HERC3: variants seen among roughly 807,000 people sequenced by gnomAD.
HERC3 encodes probable E3 ubiquitin-protein ligase HERC3.
Under a neutral mutation model 129.9 loss-of-function variants are expected in HERC3, and 58 were observed. The ratio of observed to expected loss-of-function variants is 0.45; its 90% confidence interval spans 0.36 to 0.56. The LOEUF (loss-of-function observed/expected upper bound fraction) is 0.56, where lower values mean the gene tolerates loss of function less well. HERC3 is among the 20% of genes least tolerant of loss of function. HERC3 has a pLI of 0.00. For synonymous variants in HERC3, 430 were observed against 451.0 expected, an observed-to-expected ratio of 0.95 and a Z score of 0.59; for missense variants, 835 against 1,244.2, an observed-to-expected ratio of 0.67 and a Z score of 4.95.
chr4:88,535,680 C>T, the HERC3 span, among the ~76,000 whole-genome samples: 1 of 152,150 alleles, frequency 6.6e-6, no homozygotes, highest in Non-Finnish European at 1.5e-5. Context: ...TGTGTCAGCT[C>T]AGGTCTCTCT....
chr4:88,637,680 T>C (rs533476190), intron 3 of HERC3, among the ~76,000 whole-genome samples: 1 of 151,908 alleles, frequency 6.6e-6, no homozygotes, highest in East Asian at 1.9e-4. Flanking sequence ...ACATCACAAC[T>C]AAAAGAACTA....
chr4:88,706,734 A>G lies in HERC3; in HGVS notation c.2945-18A>G. On this transcript the variant is annotated intron_variant, in intron 25 of 25. Coordinates refer to ENST00000402738, the MANE Select transcript of HERC3 (RefSeq NM_014606.3). ...TTCCGTTTGCTTAGCTGCTAATGCC[A>G]TTTCTCGTTCTCCCCAGTGTTCCTG... The G allele has an allele frequency of 6.2e-7, 1 of 1,611,406 alleles. No homozygotes were observed. Among genetic ancestry groups the G allele is most frequent in the South Asian group, 1.1e-5 (1 of 90,908 alleles).
At chr4:88,551,767 A>G in the HERC3 span, among the ~76,000 whole-genome samples, 2 of 152,142 alleles carry the variant, frequency 1.3e-5, no homozygotes, top group Non-Finnish European at 2.9e-5. Context: ...CATTTGACCC[A>G]GCCATCCCAT....
chr4:88,682,661 T>C (rs1732930349), intron 21 of HERC3, among the ~76,000 whole-genome samples: 1 of 152,208 alleles, frequency 6.6e-6, no homozygotes, highest in South Asian at 2.1e-4. Context: ...CTCATCATTT[T>C]TTATGGCTGC....
the HERC3 span, among the ~76,000 whole-genome samples, chr4:88,528,516 A>G: frequency 6.6e-6 from 1 of 152,120 alleles, no homozygotes; most frequent in South Asian, 2.1e-4. Context: ...TAACCTTCCC[A>G]TTGTCAAATT....
chr4:88,617,175 C>CAAAAAAAAAAAA (rs1162260456), intron 3 of HERC3, among the ~76,000 whole-genome samples: 1 of 31,860 alleles, frequency 3.1e-5, no homozygotes, highest in Non-Finnish European at 6.7e-5. Flanking sequence ...ACCCTGTCTC[C>CAAAAAAAAAAAA]AAAAAAAAAA....
rs1195005810 is a variant in HERC3, at chr4:88,656,317, G to A, written c.1069+282G>A. On this transcript the variant is annotated intron_variant, in intron 9 of 25. Coordinates refer to ENST00000402738, the MANE Select transcript of HERC3 (RefSeq NM_014606.3). ...TTTATGAAGAAAAGAGTTTTAATTG[G>A]CTCACAGTTCTGCAGGCTCTACAGG... 7.8e-6 allele frequency: 3 copies of A among 385,024 alleles called. No homozygotes were observed. In the East Asian group the frequency reaches 1.4e-4, roughly 18 times the overall value. The allele number at this position is 385,024 out of a possible 1,614,324, so 23.9% of individuals were successfully genotyped here. A position where few individuals can be genotyped will look rare whatever the true frequency, so the allele number is the denominator to read the frequency against.
Position 88,605,902 on chromosome 4 carries a change from G to T in HERC3, c.79G>T (p.Val27Leu). ...GCAGGGAATTGTGGCTGAGCCCCAG[G>T]TGTGTGGGTTCATATCTGACAGAAG... is the stretch of plus-strand genomic sequence containing the variant. ...NLQGIVAEPQVCGFISDRSVK... is the reference protein window; with the variant it reads ...NLQGIVAEPQLCGFISDRSVK... Residue 27 changes from valine (V) to leucine (L), a missense_variant, in exon 3 of 26, where the codon GTG becomes TTG. By Grantham distance (32) the Val-to-Leu change is conservative (BLOSUM62 1). Transcript: ENST00000402738. 1 of 1,614,226 alleles carries T rather than the reference G, an allele frequency of 6.2e-7. No individual in the cohort carries two copies. Among genetic ancestry groups the T allele is most frequent in the Middle Eastern group, 1.6e-4 (1 of 6,062 alleles).
rs1400799737 is a variant in HERC3, at chr4:88,605,798, A to G, written c.-26A>G. ...ATTTTTTTAAACTCTCTCCTAGGCT[A>G]CATGATTCCCTGAAAGATAAGAACA... On this transcript the variant is annotated 5_prime_UTR_variant, in exon 3 of 26. Transcript: ENST00000402738. 6.3e-7 allele frequency: 1 copy of G among 1,577,576 alleles called. No individual in the cohort carries two copies. Among genetic ancestry groups the G allele is most frequent in the South Asian group, 1.1e-5 (1 of 90,290 alleles).
upstream of HERC3, among the ~76,000 whole-genome samples, chr4:88,587,935 T>G (rs1200003373): frequency 1.3e-5 from 2 of 152,234 alleles, no homozygotes; most frequent in African/African-American, 4.8e-5. Flanking sequence ...AAGGGACTTT[T>G]TAAAAGGAGG....
rs776394084 is a variant in HERC3, at chr4:88,686,730, G to C, written c.2508-6G>C. ...CACTTTTCCTTTTCTGTCATTCTAT[G>C]ATTAGGAGTCTCCAAGAGCTTTTAG... On this transcript the variant is annotated splice_polypyrimidine_tract_variant and splice_region_variant and intron_variant, in intron 21 of 25. Coordinates refer to ENST00000402738, the MANE Select transcript of HERC3 (RefSeq NM_014606.3). 6.3e-7 allele frequency: 1 copy of C among 1,599,594 alleles called. No homozygotes were observed. The highest frequency in any genetic ancestry group is 1.7e-5 in the Admixed American group (1 of 59,948).
chr4:88,686,647 G>T, intron 21 of HERC3, 89 bp from the exon 22 acceptor site: 1 of 803,442 alleles, frequency 1.2e-6, no homozygotes, highest in Non-Finnish European at 2.1e-6. Context: ...TTTTTCCTTG[G>T]AAATGGTCTG....
intron 23 of HERC3, among the ~76,000 whole-genome samples, chr4:88,698,272 G>A (rs1014297551): frequency 8.5e-5 from 13 of 152,162 alleles, no homozygotes; most frequent in Admixed American, 7.2e-4. Flanking sequence ...GGAGGAACGG[G>A]CAAGCTGGCT....
chr4:88,574,114 C>T, the HERC3 span, among the ~76,000 whole-genome samples: 1 of 152,140 alleles, frequency 6.6e-6, no homozygotes, highest in South Asian at 2.1e-4. Flanking sequence ...ACTGCAGCTC[C>T]CTGAAAGCAA....
At chr4:88,655,388 C>A in intron 8 of HERC3, 84 bp downstream of exon 8, 1 of 1,444,324 alleles carries the variant, frequency 6.9e-7, no homozygotes, top group Non-Finnish European at 9.6e-7. Flanking sequence ...TGTGATTATA[C>A]CTAGTCACCG....
intron 16 of HERC3, among the ~76,000 whole-genome samples, chr4:88,674,309 GCTGATTGATGTCTGAAATAA>G (rs969345675): frequency 1.6e-4 from 25 of 152,304 alleles, no homozygotes; most frequent in Middle Eastern, 3.4e-3. Flanking sequence ...AGACAAAACT[GCTGATTGATGTCTGAAATAA>G]CTGCATTACA....
Position 88,605,874 on chromosome 4 carries a change from C to G in HERC3, c.51C>G (p.Asn17Lys). 1 of 1,614,190 alleles carries G rather than the reference C, an allele frequency of 6.2e-7. No individual in the cohort carries two copies. Among genetic ancestry groups the G allele is most frequent in the Non-Finnish European group, 8.5e-7 (1 of 1,180,030 alleles). ...TGGGCCAACCTGGTATCAGCACCAA[C>G]CTGCAGGGAATTGTGGCTGAGCCCC... ...WSLGQPGIST[N>K]LQGIVAEPQV... The change falls in exon 3 of 26, where the codon AAC (asparagine) becomes AAG (lysine). Residue 17 changes from asparagine to lysine, a missense_variant. Asn to Lys is a moderately conservative substitution (Grantham distance 94). Coordinates refer to ENST00000402738, the MANE Select transcript of HERC3 (RefSeq NM_014606.3).
chr4:88,687,521 C>G (rs2149326666), intron 23 of HERC3, among the ~76,000 whole-genome samples: 1 of 152,300 alleles, frequency 6.6e-6, no homozygotes, highest in Non-Finnish European at 1.5e-5. Flanking sequence ...AGAGCTGCAT[C>G]TTTTTGGCTT....
intron 2 of HERC3, among the ~76,000 whole-genome samples, chr4:88,605,194 A>G (rs983322763): frequency 6.6e-6 from 1 of 152,218 alleles, no homozygotes; most frequent in Non-Finnish European, 1.5e-5. Flanking sequence ...CGCTGCAACA[A>G]TCCCAGAGTC....
Sources: gnomAD v4.1 joint callset for allele counts (sites outside exome capture counted in the v4.1 genomes callset) on GRCh38, gnomAD v4.1.1 for gene constraint, MANE v1.5 for transcripts, NCBI Gene and HGNC (gene_info 2026-07-23, HGNC 2026-07-21) for gene names.